CAAP1: variants seen among roughly 807,000 people sequenced by gnomAD.
CAAP1 encodes the protein conserved anti-apoptotic protein.
A neutral mutation model predicts 34.0 loss-of-function variants in CAAP1; 20 were observed. That is an observed-to-expected ratio of 0.59 (90% CI 0.41 to 0.86). The LOEUF is 0.86. Among genes scored for constraint, CAAP1 ranks in the 40% least tolerant of loss-of-function variants. The probability of loss-of-function intolerance (pLI) is 0.00; values close to 1 mark genes in which losing one functional copy is unlikely to be tolerated. For synonymous variants in CAAP1, 213 were observed against 166.7 expected, an observed-to-expected ratio of 1.28 and a Z score of -2.14; for missense variants, 538 against 450.5, an observed-to-expected ratio of 1.19 and a Z score of -1.76.
intron 4 of CAAP1, among the ~76,000 whole-genome samples, chr9:26,883,083 G>C (rs1487390187): frequency 6.6e-6 from 1 of 152,162 alleles, no homozygotes; most frequent in Non-Finnish European, 1.5e-5. Flanking sequence ...TGAGCCTTTG[G>C]ACTGTAGACT....
At chr9:26,848,907 T>G (rs1011358) in intron 5 of CAAP1, among the ~76,000 whole-genome samples, 16,078 of 152,200 alleles carry the variant, frequency 0.11, 1,922 homozygotes, top group East Asian at 0.68. Flanking sequence ...ACATATAAAT[T>G]TTTTTTGTTT....
intron 2 of CAAP1, 28 bp from the exon 3 acceptor site, chr9:26,886,216 G>T: frequency 2.5e-6 from 3 of 1,222,730 alleles, no homozygotes; most frequent in Non-Finnish European, 2.2e-6. Context: ...TTAAAAAAAT[G>T]CATTTATGTA....
intron 5 of CAAP1, among the ~76,000 whole-genome samples, 185 bp downstream of exon 5, chr9:26,860,881 A>C (rs1822988392): frequency 1.3e-5 from 2 of 152,172 alleles, no homozygotes; most frequent in African/African-American, 4.8e-5. Flanking sequence ...AACTAACTAA[A>C]CATCATAAAA....
At chr9:26,873,710 T>C (rs1164036215) in intron 4 of CAAP1, among the ~76,000 whole-genome samples, 2 of 152,230 alleles carry the variant, frequency 1.3e-5, no homozygotes, top group African/African-American at 4.8e-5. Context: ...ACCTACTTAC[T>C]TAAAATTGTT....
intron 4 of CAAP1, among the ~76,000 whole-genome samples, chr9:26,881,366 G>C (rs2131335675): frequency 6.6e-6 from 1 of 152,326 alleles, no homozygotes; most frequent in African/African-American, 2.4e-5. Context: ...GTTTCAACTT[G>C]AATTGTAGTT....
chr9:26,844,680 C>A (rs1168843540), intron 5 of CAAP1, among the ~76,000 whole-genome samples: 1 of 152,190 alleles, frequency 6.6e-6, no homozygotes, highest in Non-Finnish European at 1.5e-5. Flanking sequence ...TTGTGTACTT[C>A]CAGCACATAA....
chr9:26,884,912 G>A, intron 3 of CAAP1, 27 bp from the exon 4 acceptor site: 4 of 1,475,372 alleles, frequency 2.7e-6, no homozygotes, highest in Non-Finnish European at 2.8e-6. Context: ...ACTATTGAAA[G>A]CACACTTATA....
At chr9:26,846,497 T>C (rs1364534201) in intron 5 of CAAP1, among the ~76,000 whole-genome samples, 1 of 151,680 alleles carries the variant, frequency 6.6e-6, no homozygotes, top group African/African-American at 2.4e-5. Context: ...TCTTTGGCTA[T>C]GATTTTCCTT....
chr9:26,889,449 T>C (rs1043918037), intron 1 of CAAP1, among the ~76,000 whole-genome samples: 4 of 152,002 alleles, frequency 2.6e-5, no homozygotes, highest in African/African-American at 7.2e-5. Context: ...AAAAACTGAC[T>C]GTAGTGACGG....
chr9:26,851,917 C>A (rs990183227), intron 5 of CAAP1, among the ~76,000 whole-genome samples: 1 of 152,120 alleles, frequency 6.6e-6, no homozygotes, highest in African/African-American at 2.4e-5. Flanking sequence ...AAAGTGTGCT[C>A]AAACTCATTA....
At chr9:26,884,955 A>T in intron 3 of CAAP1, 70 bp from the exon 4 acceptor site, 1 of 1,163,808 alleles carries the variant, frequency 8.6e-7, no homozygotes, top group South Asian at 1.3e-5. Flanking sequence ...ATGACATTAA[A>T]AAGTATAATC....
chr9:26,868,612 T>C (rs1040849014), intron 4 of CAAP1, among the ~76,000 whole-genome samples: 4 of 152,186 alleles, frequency 2.6e-5, no homozygotes, highest in South Asian at 2.1e-4. Context: ...ATAGCAGCAA[T>C]AGGAAACTAA....
intron 5 of CAAP1, among the ~76,000 whole-genome samples, chr9:26,850,633 G>A (rs543740666): frequency 6.6e-6 from 1 of 152,302 alleles, no homozygotes; most frequent in East Asian, 1.9e-4. Flanking sequence ...CCAATAATTT[G>A]CCATGTTCTA....
Position 26,887,404 on chromosome 9 carries a change from A to G in CAAP1, c.413T>C (p.Phe138Ser). Residue 138 changes from phenylalanine (F) to serine (S), a missense_variant, in exon 2 of 6, where the codon TTC becomes TCC. Physicochemically the swap from Phe to Ser is radical, Grantham distance 155 (BLOSUM62 -2). Transcript: ENST00000333916. ...CATTTCTTTTTTGTCTGATATATAG[A>G]AACTAACTGGTTTCAATGACACAGT... ...DLTVSLKPVS[F>S]YISDKKEMLQ... 1.2e-6 allele frequency: 2 copies of G among 1,613,164 alleles called. No individual in the cohort carries two copies. Among genetic ancestry groups the G allele is most frequent in the Non-Finnish European group, 1.7e-6 (2 of 1,179,424 alleles).
chr9:26,842,578 C>T lies in CAAP1; in HGVS notation c.809G>A (p.Cys270Tyr). The T allele has an allele frequency of 6.2e-7, 1 of 1,614,170 alleles. No individual in the cohort carries two copies. The highest frequency in any genetic ancestry group is 1.3e-5 in the African/African-American group (1 of 75,042). ...CTCGGGAGCAGCTGCTTCTTCGTTG[C>T]ATGGGCCTTCTATGTCGCTGTCATA... ...DAYDSDIEGP[C>Y]NEEAAAPEAP... The change falls in exon 6 of 6, where the codon TGC (cysteine) becomes TAC (tyrosine). Residue 270 changes from cysteine to tyrosine, a missense_variant. Coordinates refer to ENST00000333916, the MANE Select transcript of CAAP1 (RefSeq NM_024828.4).
intron 5 of CAAP1, among the ~76,000 whole-genome samples, chr9:26,852,188 C>T (rs974097205): frequency 4.6e-4 from 69 of 151,636 alleles, no homozygotes; most frequent in African/African-American, 1.6e-3. Context: ...TCTCCCAGGG[C>T]TCATGCCTGT....
chr9:26,848,031 CA>C (rs1463423692), intron 5 of CAAP1, among the ~76,000 whole-genome samples: 2 of 152,232 alleles, frequency 1.3e-5, no homozygotes, highest in East Asian at 3.9e-4. Context: ...AATTCACTAT[CA>C]AGAGGTTTCA....
At chr9:26,858,012 A>G (rs1217317400) in intron 5 of CAAP1, among the ~76,000 whole-genome samples, 1 of 152,234 alleles carries the variant, frequency 6.6e-6, no homozygotes, top group Non-Finnish European at 1.5e-5. Context: ...GTCACATGAT[A>G]TGATTTATTT....
chr9:26,868,970 T>C (rs894154165), intron 4 of CAAP1, among the ~76,000 whole-genome samples: 1 of 152,220 alleles, frequency 6.6e-6, no homozygotes, highest in African/African-American at 2.4e-5. Flanking sequence ...TAGAGAATTA[T>C]TGCTAATTAC....
Sources: allele counts gnomAD v4.1 joint callset (sites outside exome capture counted in the v4.1 genomes callset), GRCh38; gene constraint gnomAD v4.1.1; transcripts MANE v1.5; gene names NCBI Gene and HGNC (gene_info 2026-07-23, HGNC 2026-07-21).